HEATR4: variants seen among roughly 807,000 people sequenced by gnomAD.
HEATR4 encodes HEAT repeat containing 4.
Under a neutral mutation model 108.8 loss-of-function variants are expected in HEATR4, and 95 were observed. That is an observed-to-expected ratio of 0.87 (90% confidence interval 0.74 to 1.04). The LOEUF is 1.04. Among genes scored for constraint, HEATR4 ranks in the 50% least tolerant of loss-of-function variants. HEATR4 has a pLI of 0.00. For missense variants in HEATR4, 1,152 were observed against 1,253.8 expected (o/e 0.92, Z 1.23); for synonymous variants, 443 against 459.4 (o/e 0.96, Z 0.46).
the HEATR4 span, chr14:73,580,860 C>G: frequency 6.6e-6 from 1 of 151,840 alleles, no homozygotes; most frequent in Non-Finnish European, 1.5e-5. Flanking sequence ...TGAAAGGAAA[C>G]TCATATGCAG....
chr14:73,626,461 TG>T, the HEATR4 span, among the ~76,000 whole-genome samples: 1 of 152,096 alleles, frequency 6.6e-6, no homozygotes, highest in East Asian at 1.9e-4. Context: ...GTTAGGAAGC[TG>T]CAGTAGAAAA....
chr14:73,605,401 G>A, the HEATR4 span, among the ~76,000 whole-genome samples: 1 of 151,954 alleles, frequency 6.6e-6, no homozygotes, highest in African/African-American at 2.4e-5. Context: ...AACTAACTTT[G>A]GGAGGAACTT....
At position 73,542,973 on chromosome 14, in the gene HEATR4, T is replaced by A; in HGVS notation, c.-151-12729A>T. ...GATTCAGACTCAGGTTCAACTAACT[T>A]CCAGGGTGGGCACAACTCACCATAT... On this transcript the variant is annotated intron_variant, in intron 1 of 17. Coordinates refer to ENST00000553558, the MANE Select transcript of HEATR4 (RefSeq NM_001220484.1). 2 of 1,216,024 alleles carry A rather than the reference T, an allele frequency of 1.6e-6. 1 individual carries two copies. Among genetic ancestry groups the A allele is most frequent in the Non-Finnish European group, 2.2e-6 (2 of 916,582 alleles). The allele number at this position is 1,216,024 out of a possible 1,614,324, so 75.3% of individuals were successfully genotyped here. A position where few individuals can be genotyped will look rare whatever the true frequency, so the allele number is the denominator to read the frequency against.
intron 5 of HEATR4, among the ~76,000 whole-genome samples, chr14:73,516,806 G>GT (rs1887629928): frequency 6.6e-6 from 1 of 152,202 alleles, no homozygotes; most frequent in African/African-American, 2.4e-5. Flanking sequence ...AACTGCACAT[G>GT]TGAGGGGTCT....
the HEATR4 span, chr14:73,573,560 A>C: frequency 6.2e-7 from 1 of 1,613,664 alleles, no homozygotes; most frequent in Non-Finnish European, 8.5e-7. Flanking sequence ...ACTTTGAAGA[A>C]GCCATGAACT....
At chr14:73,505,419 CAG>C (rs138022437) in intron 10 of HEATR4, among the ~76,000 whole-genome samples, 15,274 of 149,642 alleles carry the variant, frequency 0.1, 1,137 homozygotes, top group Non-Finnish European at 0.15. Context: ...TTTTTTGAGA[CAG>C]AGTCTCGCAC....
At chr14:73,557,806 C>G (rs1395502427) in intron 1 of HEATR4, among the ~76,000 whole-genome samples, 92 of 82,508 alleles carry the variant, frequency 1.1e-3, no homozygotes, top group African/African-American at 3.5e-3. Flanking sequence ...CCTCCTGCCT[C>G]AGCGTCCCCA....
the HEATR4 span, among the ~76,000 whole-genome samples, chr14:73,625,641 G>A: frequency 3.9e-5 from 6 of 152,344 alleles, no homozygotes; most frequent in Admixed American, 6.5e-5. Context: ...GATTACAGGC[G>A]TGAGCCACCA....
At chr14:73,527,663 T>C (rs1888418627) in intron 2 of HEATR4, among the ~76,000 whole-genome samples, 1 of 151,886 alleles carries the variant, frequency 6.6e-6, no homozygotes, top group African/African-American at 2.4e-5. Context: ...ATTGGTGAGC[T>C]TGAAGACAGG....
the HEATR4 span, among the ~76,000 whole-genome samples, chr14:73,570,110 CTTTTT>C: frequency 7.1e-6 from 1 of 140,606 alleles, no homozygotes; most frequent in African/African-American, 2.5e-5. Context: ...GGGAGTTACA[CTTTTT>C]TTTTTTTTCC....
chr14:73,598,461 G>C, the HEATR4 span, among the ~76,000 whole-genome samples: 14 of 152,064 alleles, frequency 9.2e-5, no homozygotes, highest in Admixed American at 6.6e-4. Flanking sequence ...ACTTGTGACT[G>C]TTTCAGTCAC....
the HEATR4 span, among the ~76,000 whole-genome samples, chr14:73,590,570 A>G: frequency 6.6e-6 from 1 of 152,294 alleles, no homozygotes; most frequent in African/African-American, 2.4e-5. Flanking sequence ...GCAGAAGCTC[A>G]CGGCGGGGGC....
rs1241594410 is a variant in HEATR4 at position 73,536,427 on chromosome 14, T to G, written c.-151-6183A>C. 1.1e-3 allele frequency among the ~76,000 whole-genome samples: 119 copies of G among 106,754 alleles called. 26 individuals carry two copies. The highest frequency in any genetic ancestry group is 3.3e-3 in the African/African-American group (107 of 32,558). The allele number at this position is 106,754 out of a possible 152,430, so 70.0% of individuals were successfully genotyped here. ...AGAGGCTGAGGCAGGAAGATGGCTT[T>G]AGCCCAGGAGTTTGAGGCTTGTAAG... On this transcript the variant is annotated intron_variant, in intron 1 of 17. Transcript: ENST00000553558.
chr14:73,513,898 A>G, intron 6 of HEATR4, 133 bp downstream of exon 6: 2 of 823,122 alleles, frequency 2.4e-6, no homozygotes, highest in Admixed American at 4.4e-5. Flanking sequence ...GCTCTTGTCT[A>G]GCCTTAATGA....
At chr14:73,500,161 C>G (rs1595095326) in intron 12 of HEATR4, among the ~76,000 whole-genome samples, 1 of 152,110 alleles carries the variant, frequency 6.6e-6, no homozygotes, top group Non-Finnish European at 1.5e-5. Flanking sequence ...ACCTGGGAGG[C>G]GGAGCTTGCA....
the HEATR4 span, among the ~76,000 whole-genome samples, chr14:73,590,141 C>T: frequency 6.6e-6 from 1 of 152,188 alleles, no homozygotes; most frequent in Non-Finnish European, 1.5e-5. Context: ...CTTTTATTCC[C>T]TTATCTGGCC....
the HEATR4 span, chr14:73,591,792 G>A: frequency 1.7e-6 from 1 of 588,810 alleles, no homozygotes; most frequent in Non-Finnish European, 2.6e-6. Context: ...CGAGTCCGGA[G>A]CGCCGGGTTA....
At chr14:73,571,866 A>G in the HEATR4 span, among the ~76,000 whole-genome samples, 2 of 152,144 alleles carry the variant, frequency 1.3e-5, no homozygotes. Flanking sequence ...TGGAAATTTG[A>G]GGTTACTGGA....
At chr14:73,628,141 G>T in the HEATR4 span, among the ~76,000 whole-genome samples, 17 of 151,940 alleles carry the variant, frequency 1.1e-4, no homozygotes, top group Non-Finnish European at 2.1e-4. Context: ...GGTGTTTCTG[G>T]TGACCAGCCC....
Sources: allele counts gnomAD v4.1 joint callset (sites outside exome capture counted in the v4.1 genomes callset), GRCh38; gene constraint gnomAD v4.1.1; transcripts MANE v1.5; gene names NCBI Gene and HGNC (gene_info 2026-07-23, HGNC 2026-07-21).